Variants in ZNF93 observed in about 807,000 individuals in gnomAD.
ZNF93 encodes zinc finger protein 505.
ZNF93 carries 29 observed loss-of-function variants against 45.0 expected under a neutral mutation model. That is an observed-to-expected ratio of 0.64 (90% CI 0.48 to 0.88). The LOEUF is 0.88. Among genes scored for constraint, ZNF93 ranks in the 40% least tolerant of loss-of-function variants. The pLI, the probability that ZNF93 is intolerant of heterozygous loss-of-function variation, is 0.00. For synonymous variants in ZNF93, 223 were observed against 244.6 expected, an observed-to-expected ratio of 0.91 and a Z score of 0.82; for missense variants, 578 against 724.0, an observed-to-expected ratio of 0.80 and a Z score of 2.31.
intron 3 of ZNF93, among the ~76,000 whole-genome samples, chr19:19,928,531 T>TTTG (rs60416550): frequency 0.28 from 41,981 of 151,954 alleles, 11,511 homozygotes; most frequent in African/African-American, 0.71. Flanking sequence ...TTTAAATTGA[T>TTTG]TTGTTGTTGT....
At chr19:19,920,805 T>G (rs1480087743) in intron 3 of ZNF93, among the ~76,000 whole-genome samples, 2 of 152,222 alleles carry the variant, frequency 1.3e-5, no homozygotes, top group African/African-American at 2.4e-5. Flanking sequence ...CTTTATCATT[T>G]TTTATTGCAT....
At chr19:19,930,827 TTCTTA>T (rs1335254089) in intron 3 of ZNF93, among the ~76,000 whole-genome samples, 3 of 152,324 alleles carry the variant, frequency 2.0e-5, no homozygotes, top group South Asian at 2.1e-4. Context: ...GGTATAACTA[TTCTTA>T]TCTTATATTT....
intron 3 of ZNF93, chr19:19,927,221 C>T: frequency 2.5e-6 from 1 of 398,374 alleles, no homozygotes; most frequent in Non-Finnish European, 4.4e-6. Context: ...CATATGGAGA[C>T]CCCTCTCTAT....
At chr19:19,905,881 C>G (rs185068855) in intron 1 of ZNF93, among the ~76,000 whole-genome samples, 1 of 152,152 alleles carries the variant, frequency 6.6e-6, no homozygotes, top group Non-Finnish European at 1.5e-5. Context: ...CATGAGCCAC[C>G]GCATCTGACC....
In ZNF93 at chr19:19,935,006, T is replaced by C. The variant is rs571030141; in HGVS notation, c.*188T>C. The C allele has an allele frequency of 3.8e-5, 23 of 601,718 alleles. No homozygotes were observed. The highest frequency in any genetic ancestry group is 6.2e-5 in the Non-Finnish European group (22 of 356,056). 37.3% of individuals were successfully genotyped at this position (601,718 alleles called of 1,614,324 possible). ...GTAGGCAGGCCTGCAGACCTTGGCC[T>C]TTACTACGGTACCTGAAGTGGTTCA... On this transcript the variant is annotated 3_prime_UTR_variant, in exon 4 of 4. Transcript: ENST00000343769.
At chr19:19,922,939 A>G (rs1275471864) in intron 3 of ZNF93, among the ~76,000 whole-genome samples, 1 of 152,182 alleles carries the variant, frequency 6.6e-6, no homozygotes, top group Non-Finnish European at 1.5e-5. Flanking sequence ...TTAACTCATC[A>G]AAGTCATTCT....
At chr19:19,925,446 A>C (rs2063353413) in intron 3 of ZNF93, among the ~76,000 whole-genome samples, 1 of 152,156 alleles carries the variant, frequency 6.6e-6, no homozygotes, top group Non-Finnish European at 1.5e-5. Flanking sequence ...GATGGTTGAG[A>C]TCTTTTTTGC....
intron 1 of ZNF93, among the ~76,000 whole-genome samples, chr19:19,905,691 A>G (rs2063290899): frequency 6.6e-6 from 1 of 152,072 alleles, no homozygotes; most frequent in Non-Finnish European, 1.5e-5. Flanking sequence ...CCCAGGCTCA[A>G]GGAATTCTCT....
intron 3 of ZNF93, chr19:19,931,968 GT>G (rs1668176202): frequency 2.6e-6 from 1 of 388,820 alleles, no homozygotes; most frequent in South Asian, 1.8e-5. Flanking sequence ...TTTCCAGTTT[GT>G]TATTGATATA....
At chr19:19,903,819 CGA>C (rs938938050) in intron 1 of ZNF93, among the ~76,000 whole-genome samples, 1 of 151,274 alleles carries the variant, frequency 6.6e-6, no homozygotes, top group Non-Finnish European at 1.5e-5. Flanking sequence ...ACCTGTAATC[CGA>C]GCACTGTGGG....
chr19:19,913,795 G>A (rs2063316198), intron 1 of ZNF93, among the ~76,000 whole-genome samples: 2 of 152,002 alleles, frequency 1.3e-5, no homozygotes, highest in Non-Finnish European at 2.9e-5. Flanking sequence ...AATCTCATCT[G>A]AGAAGAAACT....
intron 1 of ZNF93, among the ~76,000 whole-genome samples, chr19:19,913,522 G>T (rs1687725705): frequency 6.6e-6 from 1 of 152,172 alleles, no homozygotes; most frequent in African/African-American, 2.4e-5. Flanking sequence ...GGTAGGGACA[G>T]GTAAGTGTGG....
At chr19:19,930,000 A>G (rs1211866316) in intron 3 of ZNF93, among the ~76,000 whole-genome samples, 1 of 151,898 alleles carries the variant, frequency 6.6e-6, no homozygotes, top group Non-Finnish European at 1.5e-5. Flanking sequence ...AAAGAGATAA[A>G]AGACAGCTGG....
chr19:19,906,601 C>G (rs189125237), intron 1 of ZNF93, among the ~76,000 whole-genome samples: 2 of 151,980 alleles, frequency 1.3e-5, no homozygotes, highest in African/African-American at 4.8e-5. Context: ...AAGTCTTTGC[C>G]GGTTTCTGTG....
chr19:19,927,217 G>A (rs1057324163), intron 3 of ZNF93: 112 of 398,458 alleles, frequency 2.8e-4, no homozygotes, highest in African/African-American at 2.2e-3. Flanking sequence ...GCAACATATG[G>A]AGACCCCTCT....
chr19:19,919,681 T>C (rs751512796), intron 3 of ZNF93, among the ~76,000 whole-genome samples: 16 of 152,206 alleles, frequency 1.1e-4, no homozygotes, highest in Non-Finnish European at 1.3e-4. Flanking sequence ...CCCTTTTAAG[T>C]TGGATTCCTA....
At chr19:19,921,451 G>A (rs1407982893) in intron 3 of ZNF93, among the ~76,000 whole-genome samples, 18 of 152,208 alleles carry the variant, frequency 1.2e-4, no homozygotes, top group African/African-American at 3.9e-4. Context: ...GTGGATGTCT[G>A]TTAGGTCTGC....
intron 1 of ZNF93, chr19:19,908,271 A>G (rs908996521): frequency 6.6e-6 from 1 of 152,196 alleles, no homozygotes; most frequent in African/African-American, 2.4e-5. Flanking sequence ...TTCTTCATCA[A>G]AAAGTGTTGT....
chr19:19,929,432 G>A (rs181594719), intron 3 of ZNF93, among the ~76,000 whole-genome samples: 18 of 152,224 alleles, frequency 1.2e-4, no homozygotes, highest in Non-Finnish European at 2.4e-4. Context: ...GGGTCTTGAT[G>A]TCTACAATCA....
Sources: gnomAD v4.1 joint callset for allele counts (sites outside exome capture counted in the v4.1 genomes callset) on GRCh38, gnomAD v4.1.1 for gene constraint, MANE v1.5 for transcripts, NCBI Gene and HGNC (gene_info 2026-07-23, HGNC 2026-07-21) for gene names.